TRRAP: variants seen among roughly 807,000 people sequenced by gnomAD.
TRRAP encodes transformation/transcription domain-associated protein.
TRRAP carries 41 observed loss-of-function variants against 438.8 expected under a neutral mutation model. The ratio of observed to expected loss-of-function variants is 0.09; its 90% CI spans 0.07 to 0.12. The LOEUF (loss-of-function observed/expected upper bound fraction) is 0.12. Among genes scored for constraint, TRRAP ranks in the 10% least tolerant of loss-of-function variants. TRRAP has a pLI of 1.00. For missense variants in TRRAP, 3,122 were observed against 5,055.1 expected (o/e 0.62, Z 11.60); for synonymous variants, 1,994 against 1,962.9 (o/e 1.02, Z -0.42).
At position 98,937,297 on chromosome 7, in the gene TRRAP, TGTATGCGCACGCGTGTGTGC is replaced by T; in HGVS notation, c.4233+21_4233+40del. On this transcript the variant is annotated intron_variant, in intron 29 of 72. Coordinates refer to ENST00000456197, the MANE Select transcript of TRRAP (RefSeq NM_001375524.1). ...AGAAAGGTGAGTGTGTGTGCGTGCG[TGTATGCGCACGCGTGTGTGC>T]ACACACATGTGTGTGTACTCTGCAT... 2 of 1,604,756 alleles carry T rather than the reference TGTATGCGCACGCGTGTGTGC, an allele frequency of 1.2e-6. No homozygotes were observed. The highest frequency in any genetic ancestry group is 2.2e-5 in the South Asian group (2 of 89,642).
chr7:98,987,363 C>T (rs1021846834), intron 62 of TRRAP, among the ~76,000 whole-genome samples: 1 of 152,180 alleles, frequency 6.6e-6, no homozygotes, highest in Non-Finnish European at 1.5e-5. Context: ...AGATGTCTTT[C>T]CACTAGTTTA....
At chr7:98,880,278 T>TTTTTTTC (rs1795368178) in intron 1 of TRRAP, among the ~76,000 whole-genome samples, 1 of 150,570 alleles carries the variant, frequency 6.6e-6, no homozygotes, top group South Asian at 2.1e-4. Flanking sequence ...TTTTTTTTTT[T>TTTTTTTC]TCCGAGACTG....
Position 98,953,392 on chromosome 7 carries a change from A to G in TRRAP, c.5689A>G (p.Ile1897Val), listed in dbSNP as rs1554418729. The G allele has an allele frequency of 2.5e-6, 4 of 1,613,172 alleles. No homozygotes were observed. Among genetic ancestry groups the G allele is most frequent in the East Asian group, 2.2e-5 (1 of 44,894 alleles). ...CAGCGGACACTTGCTCCTGGCGCACATTATCGCCAAATTCGCCATACACAA... is the reference window on the plus strand; with the variant it reads ...CAGCGGACACTTGCTCCTGGCGCACGTTATCGCCAAATTCGCCATACACAA... ...KYSGHLLLAH[I>V]IAKFAIHKKI... The change falls in exon 40 of 73, where the codon ATT becomes GTT. Residue 1897 changes from isoleucine to valine, a missense_variant. Ile to Val is a conservative substitution (Grantham distance 29). This residue lies in a region of TRRAP where 22 missense variants were observed against 28.8 expected (regional missense o/e 0.76). Coordinates refer to ENST00000456197, the MANE Select transcript of TRRAP (RefSeq NM_001375524.1).
chr7:98,948,410 G>A lies in TRRAP; in HGVS notation c.4668+70G>A, dbSNP rs1791183301. 21 of 1,610,612 alleles carry A rather than the reference G, an allele frequency of 1.3e-5. No homozygotes were observed. Among genetic ancestry groups the A allele is most frequent in the Admixed American group, 8.3e-5 (5 of 59,962 alleles). ...GTGCTTATAGCGTCCTCACTTGATC[G>A]TATTTTCAATGGACGGAACAGCATA... is the stretch of plus-strand genomic sequence containing the variant. On this transcript the variant is annotated intron_variant, in intron 34 of 72. Coordinates refer to ENST00000456197, the MANE Select transcript of TRRAP (RefSeq NM_001375524.1). This position sits in a 1 kb window ranked among gnomAD's most constrained non-coding sequence, Gnocchi z 4.9.
intron 1 of TRRAP, among the ~76,000 whole-genome samples, chr7:98,880,263 T>TTG (rs1795362895): frequency 2.6e-4 from 1 of 3,798 alleles, no homozygotes; most frequent in African/African-American, 7.0e-4. Context: ...GTTGTTGTTG[T>TTG]TTTTTTTTTT....
intron 18 of TRRAP, 134 bp downstream of exon 18, chr7:98,912,347 T>C (rs965228048): frequency 3.5e-6 from 3 of 869,260 alleles, no homozygotes; most frequent in African/African-American, 3.5e-5. Context: ...TCTCCCCAGT[T>C]TTTGGGACTA....
At chr7:98,903,835 C>G (rs998014471) in intron 12 of TRRAP, among the ~76,000 whole-genome samples, 1 of 152,166 alleles carries the variant, frequency 6.6e-6, no homozygotes, top group Non-Finnish European at 1.5e-5. Flanking sequence ...TCACATCTTA[C>G]GTGGATGGTG....
chr7:98,928,539 T>C (rs1584322876), intron 23 of TRRAP, among the ~76,000 whole-genome samples: 1 of 152,212 alleles, frequency 6.6e-6, no homozygotes, highest in Non-Finnish European at 1.5e-5. Context: ...CTGGCAAAAC[T>C]AAGCTTCTCA....
Position 99,005,414 on chromosome 7 carries a change from C to A in TRRAP, c.10753+66C>A. 2 of 1,496,230 alleles carry A rather than the reference C, an allele frequency of 1.3e-6. No homozygotes were observed. The highest frequency in any genetic ancestry group is 1.9e-6 in the Non-Finnish European group (2 of 1,076,440). 92.7% of individuals were successfully genotyped at this position (1,496,230 alleles called of 1,614,324 possible). On this transcript the variant is annotated intron_variant, in intron 69 of 72. Coordinates refer to ENST00000456197, the MANE Select transcript of TRRAP (RefSeq NM_001375524.1). The surrounding 1 kb of genome is among the most constrained non-coding windows in gnomAD (Gnocchi z 5.1). ...TTCACAGGTGGGGATGAGAGCCACA[C>A]CTCGTGGGGTGCACAGGCAGCTCAC...
intron 67 of TRRAP, chr7:98,999,283 G>C (rs1247841435): frequency 2.2e-5 from 26 of 1,200,810 alleles, no homozygotes; most frequent in Non-Finnish European, 2.9e-5. Flanking sequence ...TACAGGAACA[G>C]TCTACTATTA....
chr7:98,889,536 TC>T (rs1795867525), intron 3 of TRRAP, among the ~76,000 whole-genome samples: 1 of 109,956 alleles, frequency 9.1e-6, no homozygotes, highest in Non-Finnish European at 1.7e-5. Flanking sequence ...TTTCCTATTC[TC>T]CTTTTTTTTT....
At chr7:98,971,554 A>G (rs965465506) in intron 52 of TRRAP, among the ~76,000 whole-genome samples, 1 of 152,228 alleles carries the variant, frequency 6.6e-6, no homozygotes, top group East Asian at 1.9e-4. Context: ...GCTTTTGACA[A>G]AAAACCCAAA....
At position 98,925,266 on chromosome 7, in the gene TRRAP, A is replaced by G; in HGVS notation, c.2975+3A>G. The G allele has an allele frequency of 6.2e-7, 1 of 1,613,362 alleles. No individual in the cohort carries two copies. The highest frequency in any genetic ancestry group is 1.1e-5 in the South Asian group (1 of 90,944). On this transcript the variant is annotated splice_donor_region_variant and intron_variant, in intron 22 of 72. Transcript: ENST00000456197. Reference sequence around the variant, plus strand: ...TACCAGCTCCTGGCACACCCCAAGTATGTCGGCCACTTCCTTCTGTGTGGT... The same window carrying G: ...TACCAGCTCCTGGCACACCCCAAGTGTGTCGGCCACTTCCTTCTGTGTGGT...
intron 67 of TRRAP, among the ~76,000 whole-genome samples, chr7:99,000,116 T>C (rs1322603593): frequency 6.6e-6 from 1 of 152,146 alleles, no homozygotes; most frequent in Non-Finnish European, 1.5e-5. Flanking sequence ...CAAGTGATTC[T>C]CCCGCCTCAG....
chr7:98,900,851 CAT>C, intron 11 of TRRAP, 131 bp downstream of exon 11: 1 of 698,894 alleles, frequency 1.4e-6, no homozygotes. Flanking sequence ...AAATACGGTA[CAT>C]TTCCATCAAC....
At chr7:98,990,390 A>G in intron 63 of TRRAP, 65 bp from the exon 64 acceptor site, 1 of 1,579,376 alleles carries the variant, frequency 6.3e-7, no homozygotes, top group Non-Finnish European at 8.7e-7. Flanking sequence ...ATGTTGGGGA[A>G]AAAGTCTCTT....
At chr7:98,932,638 C>T (rs1412479773) in intron 26 of TRRAP, among the ~76,000 whole-genome samples, 1 of 152,158 alleles carries the variant, frequency 6.6e-6, no homozygotes, top group Non-Finnish European at 1.5e-5. Context: ...GCCACCGTGC[C>T]TATCCTTAAA....
intron 39 of TRRAP, 65 bp from the exon 40 acceptor site, chr7:98,953,102 T>A: frequency 2.6e-6 from 4 of 1,568,106 alleles, no homozygotes; most frequent in Non-Finnish European, 3.5e-6. Flanking sequence ...AAACCTGTCG[T>A]ATGACCCTCA....
chr7:98,882,857 C>T (rs542675260), intron 3 of TRRAP, among the ~76,000 whole-genome samples: 8 of 152,312 alleles, frequency 5.3e-5, no homozygotes, highest in Middle Eastern at 3.4e-3. Context: ...CCGGGTTTCA[C>T]CATGTTGGCC....
Sources: allele counts gnomAD v4.1 joint callset (sites outside exome capture counted in the v4.1 genomes callset), GRCh38; gene constraint gnomAD v4.1.1; regional missense constraint gnomAD v4.1.1; non-coding constraint Gnocchi (gnomAD v3.1); transcripts MANE v1.5; gene names NCBI Gene and HGNC (gene_info 2026-07-23, HGNC 2026-07-21).